The following TENT4A variants were observed in gnomAD, a reference collection of about 807,000 sequenced individuals.
TENT4A encodes the protein terminal nucleotidyltransferase 4A, also known as DNA polymerase kappa.
A neutral mutation model predicts 72.8 loss-of-function variants in TENT4A; 7 were observed. The ratio of observed to expected loss-of-function variants is 0.10; its 90% CI spans 0.05 to 0.18. The LOEUF (loss-of-function observed/expected upper bound fraction) is 0.18, where lower values mean the gene tolerates loss of function less well. Among genes scored for constraint, TENT4A ranks in the 10% least tolerant of loss-of-function variants. The probability of loss-of-function intolerance (pLI) is 1.00; values close to 1 mark genes in which losing one functional copy is unlikely to be tolerated. For synonymous variants in TENT4A, 456 were observed against 434.3 expected, an observed-to-expected ratio of 1.05 and a Z score of -0.62; for missense variants, 831 against 1,017.7, an observed-to-expected ratio of 0.82 and a Z score of 2.50.
Position 6,753,633 on chromosome 5 carries a change from C to A in TENT4A, c.2184+596C>A, listed in dbSNP as rs570072973. ...TGATTGGGAGAGCCATGGCGAGGAT[C>A]TTCCAGGTCAGCCCCCGTCGTGTGT... is the stretch of plus-strand genomic sequence containing the variant. On this transcript the variant is annotated intron_variant, in intron 12 of 12. Coordinates refer to ENST00000230859, the MANE Select transcript of TENT4A (RefSeq NM_006999.6). Among the ~76,000 whole-genome samples, 10 of 152,376 alleles carry A rather than the reference C, an allele frequency of 6.6e-5. No homozygotes were observed. In the South Asian group the frequency reaches 2.1e-3, roughly 32 times the overall value.
rs952361569 is a variant in TENT4A, at chr5:6,756,377, A to T, written c.*1432A>T. ...GGGGTCTGGTCTTGCTAAACACTAC[A>T]GGTAGGTTGGTCTTTGAAGTCCACT... On this transcript the variant is annotated 3_prime_UTR_variant, in exon 13 of 13. Transcript: ENST00000230859. 1.3e-5 allele frequency: 2 copies of T among 152,602 alleles called. No individual in the cohort carries two copies. Among genetic ancestry groups the T allele is most frequent in the African/African-American group, 4.8e-5 (2 of 41,436 alleles). 9.5% of individuals were successfully genotyped at this position (152,602 alleles called of 1,614,324 possible).
rs544898553 is a variant in TENT4A at position 6,724,901 on chromosome 5, C to T, written c.716+10202C>T. 6.4e-4 allele frequency among the ~76,000 whole-genome samples: 97 copies of T among 152,314 alleles called. 1 individual carries two copies. Among genetic ancestry groups the T allele is most frequent in the South Asian group, 1.2e-3 (6 of 4,828 alleles). ...AGAGGCTGTTCTCGGCACAGCTGGC[C>T]TGGGGTCACACAGCTGGTAGGTGTA... is the stretch of plus-strand genomic sequence containing the variant. On this transcript the variant is annotated intron_variant, in intron 1 of 12. Transcript: ENST00000230859.
chr5:6,714,573 A>G lies in TENT4A; in HGVS notation c.590A>G (p.Tyr197Cys). 8.4e-7 allele frequency: 1 copy of G among 1,197,432 alleles called. No homozygotes were observed. The highest frequency in any genetic ancestry group is 1.0e-6 in the Non-Finnish European group (1 of 965,822). The allele number at this position is 1,197,432 out of a possible 1,614,324, so 74.2% of individuals were successfully genotyped here. ...RRKRENKAST[Y>C]GLNYLLSGSR... ...AAACGCGAGAACAAGGCCAGCACCT[A>G]CGGCCTCAACTACCTGCTGTCCGGC... The change falls in exon 1 of 13, where the codon TAC becomes TGC. Residue 197 changes from tyrosine to cysteine, a missense_variant. Transcript: ENST00000230859.
chr5:6,722,837 A>C (rs1282934098), intron 1 of TENT4A, among the ~76,000 whole-genome samples: 2 of 152,220 alleles, frequency 1.3e-5, no homozygotes, highest in African/African-American at 4.8e-5. Context: ...TAAGTAGGCA[A>C]CTAGAACAGC....
chr5:6,716,910 C>T (rs1297249891), intron 1 of TENT4A, among the ~76,000 whole-genome samples: 1 of 152,220 alleles, frequency 6.6e-6, no homozygotes, highest in African/African-American at 2.4e-5. Flanking sequence ...TCCAGTATGG[C>T]CTTGGGTGCA....
chr5:6,742,400 C>A (rs1423433732), intron 4 of TENT4A, 90 bp from the exon 5 acceptor site: 2 of 807,504 alleles, frequency 2.5e-6, no homozygotes, highest in Non-Finnish European at 4.3e-6. Flanking sequence ...GAAAAAACAC[C>A]AAACCTCTGT....
rs946467492 is a variant in TENT4A, at chr5:6,756,949, T to C, written c.*2004T>C. On this transcript the variant is annotated 3_prime_UTR_variant, in exon 13 of 13. Transcript: ENST00000230859. ...TTGACAAAAAGATATCATGTTTCGA[T>C]TTTTTTGTGTGTGGACAACAATATG... 2.6e-5 allele frequency: 4 copies of C among 152,626 alleles called. No homozygotes were observed. Among genetic ancestry groups the C allele is most frequent in the African/African-American group, 9.7e-5 (4 of 41,436 alleles). The allele number at this position is 152,626 out of a possible 1,614,324, so 9.5% of individuals were successfully genotyped here.
chr5:6,724,359 TGGAA>T (rs1201030506), intron 1 of TENT4A, among the ~76,000 whole-genome samples: 1 of 152,116 alleles, frequency 6.6e-6, no homozygotes, highest in African/African-American at 2.4e-5. Context: ...TATTAAAAAA[TGGAA>T]GGACAACGAT....
rs142831387 is a variant in TENT4A, at chr5:6,717,998, C to T, written c.716+3299C>T. Among the ~76,000 whole-genome samples the T allele has an allele frequency of 1.1e-3, 161 of 152,344 alleles. 1 individual carries two copies. The highest frequency in any genetic ancestry group is 3.6e-3 in the African/African-American group (150 of 41,570). On this transcript the variant is annotated intron_variant, in intron 1 of 12. Coordinates refer to ENST00000230859, the MANE Select transcript of TENT4A (RefSeq NM_006999.6). ...TGAACGAGGACACATGCAGGTGTCC[C>T]GGGCCCTGAACAGCTTCTATTCAGA...
chr5:6,739,765 G>A lies in TENT4A; in HGVS notation c.921G>A (p.Glu307=), dbSNP rs1741703290. Residue 307 remains glutamate (E), a synonymous_variant, in exon 4 of 13, where the codon GAG becomes GAA. Transcript: ENST00000230859. ...ACCTGGTGGTCTTCGGGAAATGGGAGCGTCCTCCTTTACAGCTGCTGGAGC... is the reference window on the plus strand; with the variant it reads ...ACCTGGTGGTCTTCGGGAAATGGGAACGTCCTCCTTTACAGCTGCTGGAGC... ...DIDLVVFGKW[E]RPPLQLLEQA... is the part of the protein sequence containing the mutation. The A allele has an allele frequency of 3.7e-6, 6 of 1,614,162 alleles. No homozygotes were observed. The South Asian group carries it at 4.4e-5, about 12-fold the overall frequency.
Position 6,754,801 on chromosome 5 carries a change from A to AGGC in TENT4A, c.2242_2244dup (p.Gly748dup), listed in dbSNP as rs1398951560. 1.2e-6 allele frequency: 2 copies of AGGC among 1,602,152 alleles called. No homozygotes were observed. Among genetic ancestry groups the AGGC allele is most frequent in the East Asian group, 4.5e-5 (2 of 44,416 alleles). ...TGAAGGGCTCTCACGGCCACACCCA[A>AGGC]GGCGGCGGCTACAGCTCTGTGGGTA... On this transcript the variant is annotated inframe_insertion, in exon 13 of 13. Transcript: ENST00000230859.
In TENT4A at chr5:6,749,605, G is replaced by T; in HGVS notation, c.1635G>T (p.Arg545=). Residue 545 remains arginine (R), a synonymous_variant, in exon 9 of 13, where the codon CGG becomes CGT. Coordinates refer to ENST00000230859, the MANE Select transcript of TENT4A (RefSeq NM_006999.6). ...IKVTQEVIDY[R]RWIKEKWGSK... ...TAACTCAGGAGGTGATTGACTACCG[G>T]AGGTGGATCAAAGAGAAGTGGGGCA... The T allele has an allele frequency of 6.2e-7, 1 of 1,614,060 alleles. No homozygotes were observed. The highest frequency in any genetic ancestry group is 8.5e-7 in the Non-Finnish European group (1 of 1,179,924).
chr5:6,727,229 T>C (rs6884037), intron 1 of TENT4A, among the ~76,000 whole-genome samples: 28,590 of 152,026 alleles, frequency 0.19, 2,880 homozygotes, highest in Non-Finnish European at 0.23. Flanking sequence ...ACAGCTGGCA[T>C]GCCATGGATG....
rs763794729 is a variant in TENT4A, at chr5:6,755,436, T to A, written c.*491T>A. The A allele has an allele frequency of 6.5e-6, 1 of 153,016 alleles. No individual in the cohort carries two copies. The highest frequency in any genetic ancestry group is 6.5e-5 in the Admixed American group (1 of 15,304). 9.5% of individuals were successfully genotyped at this position (153,016 alleles called of 1,614,324 possible). A position where few individuals can be genotyped will look rare whatever the true frequency, so the allele number is the denominator to read the frequency against. ...TTTCTATGTAAATATTGAAAACTTA[T>A]GATTTGTGCAATAACTCAGATATTT... On this transcript the variant is annotated 3_prime_UTR_variant, in exon 13 of 13. Transcript: ENST00000230859.
At chr5:6,747,074 G>A (rs772732949) in intron 7 of TENT4A, among the ~76,000 whole-genome samples, 1 of 152,132 alleles carries the variant, frequency 6.6e-6, no homozygotes, top group Non-Finnish European at 1.5e-5. Flanking sequence ...ATGTGTTAAC[G>A]CTTTTAAATT....
intron 1 of TENT4A, among the ~76,000 whole-genome samples, chr5:6,730,988 T>C (rs1412074973): frequency 6.6e-6 from 1 of 152,252 alleles, no homozygotes; most frequent in Non-Finnish European, 1.5e-5. Flanking sequence ...CCACTCTTCC[T>C]AGTTAAAGTT....
chr5:6,750,761 ACTTC>A (rs1377893780), intron 10 of TENT4A: 1 of 550,840 alleles, frequency 1.8e-6, no homozygotes, highest in African/African-American at 1.9e-5. Flanking sequence ...ACTACAGTGG[ACTTC>A]CTTGAGTAGT....
At chr5:6,731,015 C>G (rs145723394) in intron 1 of TENT4A, among the ~76,000 whole-genome samples, 6 of 152,278 alleles carry the variant, frequency 3.9e-5, no homozygotes, top group African/African-American at 1.2e-4. Flanking sequence ...TAATCCAGAC[C>G]CTATCAGTGC....
chr5:6,717,529 T>C (rs1187876862), intron 1 of TENT4A, among the ~76,000 whole-genome samples: 1 of 152,254 alleles, frequency 6.6e-6, no homozygotes, highest in Admixed American at 6.5e-5. Context: ...GTCTGCCTTC[T>C]GCTTCAAGTA....
Sources: gnomAD v4.1 joint callset for allele counts (sites outside exome capture counted in the v4.1 genomes callset) on GRCh38, gnomAD v4.1.1 for gene constraint, MANE v1.5 for transcripts, NCBI Gene and HGNC (gene_info 2026-07-23, HGNC 2026-07-21) for gene names.